RASA1: variants seen among roughly 807,000 people sequenced by gnomAD.
RASA1 encodes the protein RAS p21 protein activator 1.
In RASA1, 25 loss-of-function variants were observed where a neutral mutation model predicts 132.2. The ratio of observed to expected loss-of-function variants is 0.19; its 90% confidence interval spans 0.14 to 0.26. The LOEUF (loss-of-function observed/expected upper bound fraction) is 0.26, where lower values mean the gene tolerates loss of function less well. Ranked by LOEUF, RASA1 falls within the 10% of genes least tolerant of loss-of-function variation. The pLI is 1.00. For missense variants in RASA1, 964 were observed against 1,299.2 expected (o/e 0.74, Z 3.97); for synonymous variants, 477 against 449.9 (o/e 1.06, Z -0.76).
Position 87,363,520 on chromosome 5 carries a change from C to T in RASA1, c.1610+16C>T, listed in dbSNP as rs1760269023. ...TCTTTGGCAGGTAAGAGACTGGTTT[C>T]CTATTTTTCTTTCGGAATTGTCTTA... On this transcript the variant is annotated intron_variant, in intron 11 of 24. Coordinates refer to ENST00000274376, the MANE Select transcript of RASA1 (RefSeq NM_002890.3). 6.2e-7 allele frequency: 1 copy of T among 1,606,646 alleles called. No individual in the cohort carries two copies. Among genetic ancestry groups the T allele is most frequent in the Non-Finnish European group, 8.5e-7 (1 of 1,173,826 alleles).
At position 87,349,243 on chromosome 5, in the gene RASA1, C is replaced by T. The variant is rs1759085678; in HGVS notation, c.1132C>T (p.Pro378Ser). ...VGQVCSFLVR[P>S]SDNTPGDYSL... is the part of the protein sequence containing the mutation. ...TCAAGTCTGCAGTTTTCTTGTGAGG[C>T]CCTCAGATAATACTCCTGGCGATTA... The change falls in exon 8 of 25, where the codon CCC (proline) becomes TCC (serine). Residue 378 changes from proline to serine, a missense_variant. Around this residue, in one of 6 missense-constraint regions of RASA1, gnomAD observed 154 missense variants for 286.5 expected, o/e 0.54. Transcript: ENST00000274376. 3 of 1,611,912 alleles carry T rather than the reference C, an allele frequency of 1.9e-6. No homozygotes were observed. The highest frequency in any genetic ancestry group is 2.5e-6 in the Non-Finnish European group (3 of 1,178,590).
chr5:87,341,361 A>G lies in RASA1; in HGVS notation c.1049+40A>G, dbSNP rs113053589. 3.7e-3 allele frequency: 4,659 copies of G among 1,244,424 alleles called. 95 individuals are homozygous for G. In the African/African-American group the frequency reaches 0.056, roughly 15 times the overall value. 77.1% of individuals were successfully genotyped at this position (1,244,424 alleles called of 1,614,324 possible). A position where few individuals can be genotyped will look rare whatever the true frequency, so the allele number is the denominator to read the frequency against. Reference sequence around the variant, plus strand: ...ATTATTAAAATGAAAAAAAAAATCTATATTGTAAATTTACTAATTGGAAAA... The same window carrying G: ...ATTATTAAAATGAAAAAAAAAATCTGTATTGTAAATTTACTAATTGGAAAA... On this transcript the variant is annotated intron_variant, in intron 6 of 24. Coordinates refer to ENST00000274376, the MANE Select transcript of RASA1 (RefSeq NM_002890.3).
chr5:87,378,351 G>A (rs1561323860), intron 17 of RASA1, 45 bp from the exon 18 acceptor site: 8 of 1,601,658 alleles, frequency 5.0e-6, no homozygotes, highest in Non-Finnish European at 6.8e-6. Context: ...GGTCACATTA[G>A]GTCAGTCCTT....
chr5:87,282,634 C>T, intron 1 of RASA1, among the ~76,000 whole-genome samples: 1 of 152,096 alleles, frequency 6.6e-6, no homozygotes, highest in Middle Eastern at 3.2e-3. Context: ...TTTGAATACC[C>T]TTTCAATTCC....
intron 1 of RASA1, chr5:87,331,147 C>A: frequency 1.1e-6 from 1 of 871,056 alleles, no homozygotes; most frequent in Non-Finnish European, 1.8e-6. Context: ...GCTTTTAGAA[C>A]AAATTAAAGA....
At chr5:87,281,040 G>T (rs538635410) in intron 1 of RASA1, among the ~76,000 whole-genome samples, 1 of 152,122 alleles carries the variant, frequency 6.6e-6, no homozygotes, top group South Asian at 2.1e-4. Flanking sequence ...ATGGTTCCCA[G>T]TGTGCACATG....
At position 87,362,487 on chromosome 5, in the gene RASA1, A is replaced by G. The variant is rs529712199; in HGVS notation, c.1333-64A>G. 37 of 1,503,588 alleles carry G rather than the reference A, an allele frequency of 2.5e-5. No homozygotes were observed. In the Admixed American group the frequency reaches 5.5e-4, roughly 22 times the overall value. The allele number at this position is 1,503,588 out of a possible 1,614,324, so 93.1% of individuals were successfully genotyped here. ...GCTTTGGCTTTTAATTGGTACTTTTATAGATTTTTACTTCATTTCCATCAA... is the reference window on the plus strand; with the variant it reads ...GCTTTGGCTTTTAATTGGTACTTTTGTAGATTTTTACTTCATTTCCATCAA... On this transcript the variant is annotated intron_variant, in intron 9 of 24. Coordinates refer to ENST00000274376, the MANE Select transcript of RASA1 (RefSeq NM_002890.3).
rs1047334612 is a variant in RASA1 at position 87,391,429 on chromosome 5, C to CTT, written c.*549_*550dup. On this transcript the variant is annotated 3_prime_UTR_variant, in exon 25 of 25. Transcript: ENST00000274376. ...TAATAGGAACAATCTTTGCTGTATACTTTTAAAAAATACTCTGCTATTTCT... is the reference window on the plus strand; with the variant it reads ...TAATAGGAACAATCTTTGCTGTATACTTTTTTAAAAAATACTCTGCTATTTCT... 4.1e-6 allele frequency: 1 copy of CTT among 242,950 alleles called. No individual in the cohort carries two copies. The highest frequency in any genetic ancestry group is 2.2e-5 in the African/African-American group (1 of 45,364). The allele number at this position is 242,950 out of a possible 1,614,324, so 15.0% of individuals were successfully genotyped here.
intron 8 of RASA1, among the ~76,000 whole-genome samples, chr5:87,349,607 T>A (rs1398760861): frequency 6.6e-6 from 1 of 151,918 alleles, no homozygotes; most frequent in Non-Finnish European, 1.5e-5. Context: ...AAATTAGACA[T>A]AAGCTGTTTG....
chr5:87,382,021 G>A (rs543530239), intron 20 of RASA1, among the ~76,000 whole-genome samples: 15 of 152,086 alleles, frequency 9.9e-5, no homozygotes, highest in African/African-American at 3.1e-4. Flanking sequence ...GTGTGATTTC[G>A]GCTTACTGCA....
At chr5:87,379,886 G>GT (rs773512626) in intron 19 of RASA1, 36 bp downstream of exon 19, 19 of 1,590,382 alleles carry the variant, frequency 1.2e-5, no homozygotes, top group Non-Finnish European at 1.6e-5. Context: ...AAGAAATTGT[G>GT]TATCTATGTC....
chr5:87,342,094 G>A (rs565457001), intron 6 of RASA1, among the ~76,000 whole-genome samples: 10 of 150,904 alleles, frequency 6.6e-5, no homozygotes, highest in African/African-American at 2.4e-4. Context: ...GTACCCTGCT[G>A]TTTGTATTAG....
chr5:87,378,672 G>A, intron 18 of RASA1, 134 bp downstream of exon 18: 4 of 901,692 alleles, frequency 4.4e-6, no homozygotes, highest in South Asian at 1.7e-5. Context: ...ACACCTGTCT[G>A]TAATACATTT....
At chr5:87,294,813 G>A (rs866087631) in intron 1 of RASA1, among the ~76,000 whole-genome samples, 2 of 152,302 alleles carry the variant, frequency 1.3e-5, no homozygotes, top group South Asian at 4.1e-4. Flanking sequence ...GAGAGAATGT[G>A]CAGTCTGCTG....
At chr5:87,275,853 C>T (rs144663285) in intron 1 of RASA1, among the ~76,000 whole-genome samples, 11 of 152,294 alleles carry the variant, frequency 7.2e-5, no homozygotes, top group African/African-American at 2.6e-4. Context: ...CAGGCATGAG[C>T]CACTGTGCCC....
At chr5:87,382,735 T>C (rs1268099852) in intron 20 of RASA1, among the ~76,000 whole-genome samples, 1 of 152,188 alleles carries the variant, frequency 6.6e-6, no homozygotes, top group East Asian at 1.9e-4. Flanking sequence ...GCTTTTGCTA[T>C]TGTTTTATAA....
chr5:87,343,095 G>A (rs1758598141), intron 6 of RASA1, among the ~76,000 whole-genome samples: 1 of 152,080 alleles, frequency 6.6e-6, no homozygotes, highest in Non-Finnish European at 1.5e-5. Context: ...CTAATATAGG[G>A]ACTGTCGCAG....
intron 1 of RASA1, chr5:87,330,885 C>T: frequency 1.8e-6 from 2 of 1,131,208 alleles, no homozygotes; most frequent in Non-Finnish European, 2.3e-6. Context: ...TTCTGTTTTC[C>T]TGTCGCAGGG....
At position 87,349,304 on chromosome 5, in the gene RASA1, G is replaced by A. The variant is rs137853214; in HGVS notation, c.1193G>A (p.Arg398Gln). The A allele has an allele frequency of 3.1e-6, 5 of 1,611,932 alleles. No homozygotes were observed. The highest frequency in any genetic ancestry group is 3.4e-6 in the Non-Finnish European group (4 of 1,178,778). The change falls in exon 8 of 25, where the codon CGA becomes CAA. Residue 398 changes from arginine (R) to glutamine (Q), a missense_variant. By Grantham distance (43) the Arg-to-Gln change is conservative. This residue lies in a region of RASA1 where 154 missense variants were observed against 286.5 expected (regional missense o/e 0.54). Transcript: ENST00000274376. ...LYFRTNENIQ[R>Q]FKICPTPNNQ... ...TTCCGGACCAATGAAAATATTCAGC[G>A]ATTTAAAATATGTCCAACGCCAAAC...
Sources: gnomAD v4.1 joint callset for allele counts (sites outside exome capture counted in the v4.1 genomes callset) on GRCh38, gnomAD v4.1.1 for gene constraint, gnomAD v4.1.1 regional missense constraint, MANE v1.5 for transcripts, NCBI Gene and HGNC (gene_info 2026-07-23, HGNC 2026-07-21) for gene names.